HHIPL1: variants seen among roughly 807,000 people sequenced by gnomAD.
The protein encoded by HHIPL1 is HHIP like 1.
HHIPL1 carries 43 observed loss-of-function variants against 61.8 expected under a neutral mutation model. The observed-to-expected ratio is 0.70, with a 90% CI of 0.55 to 0.90. The LOEUF (loss-of-function observed/expected upper bound fraction) is 0.90, where lower values mean the gene tolerates loss of function less well. Ranked by LOEUF, HHIPL1 falls within the 40% of genes least tolerant of loss-of-function variation. The pLI is 0.00. For synonymous variants in HHIPL1, 482 were observed against 515.8 expected, an observed-to-expected ratio of 0.93 and a Z score of 0.89; for missense variants, 1,056 against 1,157.7, an observed-to-expected ratio of 0.91 and a Z score of 1.28.
chr14:99,631,821 T>C, the HHIPL1 span, among the ~76,000 whole-genome samples: 1 of 152,202 alleles, frequency 6.6e-6, no homozygotes, highest in Non-Finnish European at 1.5e-5. Flanking sequence ...CTGCCTTCCC[T>C]ATGGTCCAGA....
At chr14:99,674,996 G>A (rs1476602445) in intron 8 of HHIPL1, 95 bp from the exon 9 acceptor site, 2 of 627,422 alleles carry the variant, frequency 3.2e-6, no homozygotes, top group East Asian at 1.2e-4. Flanking sequence ...CCGAGTCTGC[G>A]CTCTCCGCAC....
At chr14:99,672,833 G>T (rs1407823752) in intron 8 of HHIPL1, among the ~76,000 whole-genome samples, 1 of 152,198 alleles carries the variant, frequency 6.6e-6, no homozygotes, top group Non-Finnish European at 1.5e-5. Context: ...GCCTGGGACT[G>T]GGGGAAGGGG....
At chr14:99,647,957 G>A (rs1331175899) in intron 1 of HHIPL1, among the ~76,000 whole-genome samples, 8 of 152,136 alleles carry the variant, frequency 5.3e-5, no homozygotes, top group Non-Finnish European at 8.8e-5. Flanking sequence ...CTGTGACTGG[G>A]GTTGCCTCTC....
the HHIPL1 span, among the ~76,000 whole-genome samples, chr14:99,621,709 CT>C: frequency 0.016 from 1,383 of 84,440 alleles, 10 homozygotes; most frequent in African/African-American, 0.06. Flanking sequence ...CTTTTCTTTT[CT>C]TTTTTTTTTT....
At chr14:99,622,764 G>A in the HHIPL1 span, among the ~76,000 whole-genome samples, 1 of 152,190 alleles carries the variant, frequency 6.6e-6, no homozygotes, top group Non-Finnish European at 1.5e-5. Context: ...CCAGGCCTGG[G>A]ATTGGCCAGG....
At position 99,659,439 on chromosome 14, in the gene HHIPL1, T is replaced by C; in HGVS notation, c.1058T>C (p.Leu353Pro). The C allele has an allele frequency of 6.8e-7, 1 of 1,464,194 alleles. No homozygotes were observed. Among genetic ancestry groups the C allele is most frequent in the Non-Finnish European group, 9.0e-7 (1 of 1,109,436 alleles). 90.7% of individuals were successfully genotyped at this position (1,464,194 alleles called of 1,614,324 possible). A position where few individuals can be genotyped will look rare whatever the true frequency, so the allele number is the denominator to read the frequency against. Residue 353 changes from leucine to proline, a missense_variant, in exon 4 of 9, where the codon CTG becomes CCG. Physicochemically the swap from Leu to Pro is moderately conservative, Grantham distance 98. Transcript: ENST00000330710. ...CACCCCGCCCGCAGGTCGGCGCTGCTGGGCAAGGTGCTGCGCATCGACGTG... is the reference window on the plus strand; with the variant it reads ...CACCCCGCCCGCAGGTCGGCGCTGCCGGGCAAGGTGCTGCGCATCGACGTG... The part of the protein sequence containing the change: ...FGNAQNKSAL[L>P]GKVLRIDVDR...
At chr14:99,646,055 C>T (rs999855007) in intron 1 of HHIPL1, among the ~76,000 whole-genome samples, 1 of 152,272 alleles carries the variant, frequency 6.6e-6, no homozygotes, top group Non-Finnish European at 1.5e-5. Context: ...GGCGCCCTGG[C>T]CTGCAGAAGC....
the HHIPL1 span, among the ~76,000 whole-genome samples, chr14:99,635,640 T>C: frequency 6.6e-6 from 1 of 151,658 alleles, no homozygotes; most frequent in African/African-American, 2.4e-5. Context: ...CCTGCAGTGG[T>C]GAGCCCATCT....
Position 99,676,038 on chromosome 14 carries a change from C to A in HHIPL1, c.*412C>A. On this transcript the variant is annotated 3_prime_UTR_variant, in exon 9 of 9. Transcript: ENST00000330710. ...GGTGGGGAGAACCAGGCTTGTCCTG[C>A]CCACAGCTGGAATGGAAGGTGCAAG... The A allele has an allele frequency of 5.4e-6, 1 of 185,570 alleles. No individual in the cohort carries two copies. Among genetic ancestry groups the A allele is most frequent in the Non-Finnish European group, 1.1e-5 (1 of 90,682 alleles). 11.5% of individuals were successfully genotyped at this position (185,570 alleles called of 1,614,324 possible).
At chr14:99,667,826 G>T (rs1172082493) in intron 6 of HHIPL1, among the ~76,000 whole-genome samples, 2 of 152,228 alleles carry the variant, frequency 1.3e-5, no homozygotes, top group African/African-American at 2.4e-5. Context: ...GTGCCTGCGG[G>T]TCCCCTGGAA....
chr14:99,614,202 C>T, the HHIPL1 span, among the ~76,000 whole-genome samples: 6 of 152,134 alleles, frequency 3.9e-5, no homozygotes, highest in African/African-American at 7.2e-5. Context: ...CCAGGCCACA[C>T]GGTGAGGCGG....
At chr14:99,671,571 G>A (rs1595170687) in intron 7 of HHIPL1, among the ~76,000 whole-genome samples, 2 of 152,198 alleles carry the variant, frequency 1.3e-5, no homozygotes, top group Admixed American at 1.3e-4. Flanking sequence ...GTGGGCCCAC[G>A]TGGGTCTGTC....
At chr14:99,631,169 G>A in the HHIPL1 span, among the ~76,000 whole-genome samples, 29 of 147,994 alleles carry the variant, frequency 2.0e-4, no homozygotes, top group African/African-American at 7.2e-4. Context: ...CCAGGCTGGA[G>A]TGCAGTCAAC....
At chr14:99,622,705 A>C in the HHIPL1 span, among the ~76,000 whole-genome samples, 2 of 152,190 alleles carry the variant, frequency 1.3e-5, no homozygotes, top group Non-Finnish European at 1.5e-5. Context: ...CCAAAAACCC[A>C]GCCCAGGGTG....
At chr14:99,637,205 A>AAAGG in the HHIPL1 span, among the ~76,000 whole-genome samples, 4 of 48,118 alleles carry the variant, frequency 8.3e-5, no homozygotes, top group Non-Finnish European at 1.9e-4. Context: ...AGAAAGGAAG[A>AAAGG]AAGAAAGAAA....
chr14:99,605,698 G>T, the HHIPL1 span, among the ~76,000 whole-genome samples: 2 of 152,266 alleles, frequency 1.3e-5, no homozygotes, highest in Non-Finnish European at 2.9e-5. Context: ...AAGTCGAGCT[G>T]CTGTCATAGA....
chr14:99,631,096 C>CT, the HHIPL1 span, among the ~76,000 whole-genome samples: 1 of 147,270 alleles, frequency 6.8e-6, no homozygotes, highest in Admixed American at 6.8e-5. Flanking sequence ...TTCTTTCTTT[C>CT]TTTCTTTCTT....
Position 99,675,372 on chromosome 14 carries a change from G to A in HHIPL1, c.2095G>A (p.Val699Met), listed in dbSNP as rs750734841. Reference protein sequence around the residue: ...EVFVGGRWGTVCDDSWNISGA... With the variant: ...EVFVGGRWGTMCDDSWNISGA... Reference sequence around the variant, plus strand: ...GTTCGTGGGCGGACGCTGGGGCACCGTGTGCGACGACTCCTGGAACATCAG... The same window carrying A: ...GTTCGTGGGCGGACGCTGGGGCACCATGTGCGACGACTCCTGGAACATCAG... The change falls in exon 9 of 9, where the codon GTG becomes ATG. Residue 699 changes from valine (V) to methionine (M), a missense_variant. Coordinates refer to ENST00000330710, the MANE Select transcript of HHIPL1 (RefSeq NM_001127258.3). This position sits in a 1 kb window ranked among gnomAD's most constrained non-coding sequence, Gnocchi z 5.4. 1.9e-5 allele frequency: 28 copies of A among 1,511,624 alleles called. 1 individual carries two copies. Among genetic ancestry groups the A allele is most frequent in the Non-Finnish European group, 2.5e-5 (28 of 1,131,962 alleles). 93.6% of individuals were successfully genotyped at this position (1,511,624 alleles called of 1,614,324 possible). A position where few individuals can be genotyped will look rare whatever the true frequency, so the allele number is the denominator to read the frequency against.
At chr14:99,618,807 C>T in the HHIPL1 span, among the ~76,000 whole-genome samples, 1 of 152,218 alleles carries the variant, frequency 6.6e-6, no homozygotes, top group Admixed American at 6.5e-5. Flanking sequence ...TTTCAGGGAC[C>T]CAGGTAGGAA....
Sources: allele counts gnomAD v4.1 joint callset (sites outside exome capture counted in the v4.1 genomes callset), GRCh38; gene constraint gnomAD v4.1.1; non-coding constraint Gnocchi (gnomAD v3.1); transcripts MANE v1.5; gene names NCBI Gene and HGNC (gene_info 2026-07-23, HGNC 2026-07-21).